RBMS3: variants seen among roughly 807,000 people sequenced by gnomAD.
The protein encoded by RBMS3 is RNA binding motif single stranded interacting protein 3, also known as RNA-binding motif, single-stranded-interacting protein 3.
In RBMS3, 27 loss-of-function variants were observed where a neutral mutation model predicts 66.8. The observed-to-expected ratio is 0.40, with a 90% confidence interval of 0.30 to 0.56. RBMS3 has a LOEUF of 0.56. Among genes scored for constraint, RBMS3 ranks in the 20% least tolerant of loss-of-function variants. The pLI is 0.40. For missense variants in RBMS3, 513 were observed against 549.5 expected, an observed-to-expected ratio of 0.93 and a Z score of 0.66; for synonymous variants, 188 against 183.0, an observed-to-expected ratio of 1.03 and a Z score of -0.22.
chr3:29,691,516 A>G (rs1390769051), intron 4 of RBMS3, among the ~76,000 whole-genome samples: 3 of 152,196 alleles, frequency 2.0e-5, no homozygotes, highest in Non-Finnish European at 4.4e-5. Context: ...GGTTCTTTGT[A>G]ATAGCCAATC....
intron 10 of RBMS3, 139 bp from the exon 11 acceptor site, chr3:29,935,947 T>C (rs893793878): frequency 1.8e-5 from 12 of 656,124 alleles, no homozygotes; most frequent in African/African-American, 1.8e-4. Context: ...ATAAAAATTA[T>C]ATACAGTTGA....
At chr3:29,988,362 G>T in intron 13 of RBMS3, 139 bp downstream of exon 13, 1 of 668,550 alleles carries the variant, frequency 1.5e-6, no homozygotes, top group Non-Finnish European at 2.5e-6. Context: ...TTCAGTGTAT[G>T]AAAGTATAAA....
intron 11 of RBMS3, among the ~76,000 whole-genome samples, chr3:29,937,949 A>C (rs1030632878): frequency 6.6e-6 from 1 of 151,860 alleles, no homozygotes; most frequent in East Asian, 1.9e-4. Flanking sequence ...AAGTGATGTA[A>C]TGTAATTTTA....
At chr3:29,301,609 G>A (rs556829217) in intron 1 of RBMS3, among the ~76,000 whole-genome samples, 1 of 151,992 alleles carries the variant, frequency 6.6e-6, no homozygotes, top group Admixed American at 6.6e-5. Flanking sequence ...AGACAATTGG[G>A]CGTATTTTCT....
chr3:29,652,766 T>A (rs113822332), intron 4 of RBMS3, among the ~76,000 whole-genome samples: 233 of 152,300 alleles, frequency 1.5e-3, no homozygotes, highest in African/African-American at 5.1e-3. Flanking sequence ...CTTGAAGGAA[T>A]CTTTTTACCA....
intron 1 of RBMS3, among the ~76,000 whole-genome samples, chr3:29,368,472 T>G (rs565050916): frequency 6.6e-6 from 1 of 152,158 alleles, no homozygotes; most frequent in Admixed American, 6.6e-5. Flanking sequence ...ATTCGGTAAA[T>G]ATTTGTTGAA....
At chr3:29,523,026 A>G (rs1304079172) in intron 3 of RBMS3, among the ~76,000 whole-genome samples, 1 of 152,238 alleles carries the variant, frequency 6.6e-6, no homozygotes, top group East Asian at 1.9e-4. Flanking sequence ...TAGTAACCTC[A>G]TTAATCTTAC....
intron 3 of RBMS3, among the ~76,000 whole-genome samples, chr3:29,575,989 C>T (rs1363234460): frequency 6.6e-6 from 1 of 152,018 alleles, no homozygotes; most frequent in African/African-American, 2.4e-5. Context: ...TCTGTTTCTC[C>T]AGGATTAGTC....
intron 10 of RBMS3, among the ~76,000 whole-genome samples, chr3:29,907,812 G>C (rs2060417270): frequency 6.6e-6 from 1 of 151,900 alleles, no homozygotes; most frequent in Non-Finnish European, 1.5e-5. Context: ...TCTTTTTGGA[G>C]ATTATAAAAT....
intron 3 of RBMS3, among the ~76,000 whole-genome samples, chr3:29,531,496 C>T (rs2045350470): frequency 6.6e-6 from 1 of 152,194 alleles, no homozygotes; most frequent in African/African-American, 2.4e-5. Flanking sequence ...TTTTTCACTT[C>T]ATTTATGAGG....
intron 8 of RBMS3, among the ~76,000 whole-genome samples, chr3:29,890,966 G>A (rs745881352): frequency 2.6e-5 from 4 of 151,508 alleles, no homozygotes; most frequent in Non-Finnish European, 5.9e-5. Context: ...AAGGCTTCTT[G>A]CTAGTGCAGT....
At chr3:29,448,539 G>A (rs1252337201) in intron 2 of RBMS3, among the ~76,000 whole-genome samples, 1 of 152,206 alleles carries the variant, frequency 6.6e-6, no homozygotes, top group Non-Finnish European at 1.5e-5. Flanking sequence ...ATCTGTGGAA[G>A]AATAATGCAT....
intron 3 of RBMS3, among the ~76,000 whole-genome samples, chr3:29,556,136 AG>A (rs2046354424): frequency 1.3e-5 from 2 of 151,848 alleles, no homozygotes; most frequent in South Asian, 4.1e-4. Flanking sequence ...TTAAAAAAAA[AG>A]CTTATATCCA....
At chr3:29,571,623 A>G (rs1273661318) in intron 3 of RBMS3, among the ~76,000 whole-genome samples, 1 of 152,034 alleles carries the variant, frequency 6.6e-6, no homozygotes, top group African/African-American at 2.4e-5. Flanking sequence ...ATTATGTTCC[A>G]TTGGCCTATG....
At chr3:29,814,352 G>A (rs1282781275) in intron 6 of RBMS3, among the ~76,000 whole-genome samples, 4 of 152,170 alleles carry the variant, frequency 2.6e-5, no homozygotes, top group Non-Finnish European at 5.9e-5. Flanking sequence ...TGGTGGATAA[G>A]CCTTTTGATG....
At chr3:29,380,082 G>A (rs1403706415) in intron 1 of RBMS3, among the ~76,000 whole-genome samples, 2 of 152,042 alleles carry the variant, frequency 1.3e-5, no homozygotes, top group Non-Finnish European at 2.9e-5. Flanking sequence ...GAAGAGAAAA[G>A]GGGAAGGAAA....
chr3:29,742,123 T>C (rs2054675555), intron 5 of RBMS3, among the ~76,000 whole-genome samples: 1 of 152,222 alleles, frequency 6.6e-6, no homozygotes, highest in South Asian at 2.1e-4. Flanking sequence ...AAATGAGGCA[T>C]ATTTTTCTTA....
At chr3:29,548,963 C>G (rs953738788) in intron 3 of RBMS3, among the ~76,000 whole-genome samples, 13 of 151,248 alleles carry the variant, frequency 8.6e-5, no homozygotes, top group South Asian at 6.2e-4. Flanking sequence ...TAAATTTGAG[C>G]AAGTCTTTTC....
At chr3:29,417,450 C>T (rs1443242580) in intron 1 of RBMS3, among the ~76,000 whole-genome samples, 10 of 151,790 alleles carry the variant, frequency 6.6e-5, no homozygotes, top group Non-Finnish European at 7.4e-5. Flanking sequence ...TGGTGTTCTC[C>T]GTTTTTACCT....
Sources: allele counts gnomAD v4.1 joint callset (sites outside exome capture counted in the v4.1 genomes callset), GRCh38; gene constraint gnomAD v4.1.1; transcripts MANE v1.5; gene names NCBI Gene and HGNC (gene_info 2026-07-23, HGNC 2026-07-21).